The following KIAA1671 variants were observed in gnomAD, a reference collection of about 807,000 sequenced individuals.
The protein encoded by KIAA1671 is KIAA1671, also known as uncharacterized protein KIAA1671.
A neutral mutation model predicts 131.2 loss-of-function variants in KIAA1671; 52 were observed. The ratio of observed to expected loss-of-function variants is 0.40; its 90% CI spans 0.32 to 0.50. The LOEUF (loss-of-function observed/expected upper bound fraction) is 0.50. Ranked by LOEUF, KIAA1671 falls within the 20% of genes least tolerant of loss-of-function variation. The probability of loss-of-function intolerance (pLI) is 0.73; values close to 1 mark genes in which losing one functional copy is unlikely to be tolerated. For synonymous variants in KIAA1671, 1,003 were observed against 961.6 expected, an observed-to-expected ratio of 1.04 and a Z score of -0.80; for missense variants, 2,360 against 2,364.2, an observed-to-expected ratio of 1.00 and a Z score of 0.04.
In KIAA1671 at chr22:25,028,954, C is replaced by T. The variant is rs1241198387; in HGVS notation, c.955C>T (p.Pro319Ser). ...TAGDMAGLER[P>S]RAASKLDRDC... ...AGGGGATATGGCTGGGCTAGAGAGGCCCAGAGCAGCGTCCAAGCTGGACAG... is the reference window on the plus strand; with the variant it reads ...AGGGGATATGGCTGGGCTAGAGAGGTCCAGAGCAGCGTCCAAGCTGGACAG... Residue 319 changes from proline to serine, a missense_variant, in exon 3 of 13, where the codon CCC becomes TCC. Physicochemically the swap from Pro to Ser is moderately conservative, Grantham distance 74. Coordinates refer to ENST00000358431, the MANE Select transcript of KIAA1671 (RefSeq NM_001145206.2). 18 of 1,548,186 alleles carry T rather than the reference C, an allele frequency of 1.2e-5. No homozygotes were observed. Among genetic ancestry groups the T allele is most frequent in the African/African-American group, 2.7e-5 (2 of 72,992 alleles).
rs1872826535 is a variant in KIAA1671, at chr22:25,174,261, T to G, written c.4671T>G (p.Asp1557Glu). ...GCAGCTTGGCCACTGAGTCCCCAGA[T>G]AGCAGTGCCACATCGACAAGGAAAC... ...SGESLATESP[D>E]SSATSTRKQP... Residue 1557 changes from aspartate to glutamate, a missense_variant, in exon 8 of 13, where the codon GAT becomes GAG. Around this residue, in one of 3 missense-constraint regions of KIAA1671, gnomAD observed 1,161 missense variants for 1,204.7 expected, o/e 0.96. Transcript: ENST00000358431. 1.3e-6 allele frequency: 2 copies of G among 1,551,596 alleles called. No homozygotes were observed. Among genetic ancestry groups the G allele is most frequent in the Non-Finnish European group, 1.7e-6 (2 of 1,147,006 alleles).
At chr22:25,002,280 T>G (rs1002497969) in intron 1 of KIAA1671, among the ~76,000 whole-genome samples, 16 of 152,102 alleles carry the variant, frequency 1.1e-4, no homozygotes, top group African/African-American at 3.4e-4. Context: ...CAGGTTAGGC[T>G]CCCCCAGAAG....
chr22:25,093,760 C>CTCTG (rs2145882898), intron 6 of KIAA1671, among the ~76,000 whole-genome samples: 1 of 112,564 alleles, frequency 8.9e-6, no homozygotes, highest in East Asian at 2.5e-4. Flanking sequence ...CTCTCTCTCT[C>CTCTG]TCTCTCTGTC....
intron 1 of KIAA1671, among the ~76,000 whole-genome samples, chr22:24,969,449 G>T (rs1030378851): frequency 6.6e-6 from 1 of 151,422 alleles, no homozygotes; most frequent in African/African-American, 2.4e-5. Flanking sequence ...ATGGAATAAT[G>T]ACAAAAAAAA....
chr22:24,983,560 A>T (rs1923340489), intron 1 of KIAA1671, among the ~76,000 whole-genome samples: 1 of 148,696 alleles, frequency 6.7e-6, no homozygotes, highest in Non-Finnish European at 1.5e-5. Context: ...CTCCCATTAC[A>T]CTGAAGAAGG....
chr22:25,040,885 A>G lies in KIAA1671; in HGVS notation c.3755A>G (p.Glu1252Gly), dbSNP rs577924119. ...GVEQRRRSLK[E>G]MPDTGGLWKP... ...GAGCAGAGAAGGAGGAGCCTGAAGG[A>G]GATGCCCGATACCGGGGGTCTCTGG... Residue 1252 changes from glutamate (E) to glycine (G), a missense_variant, in exon 5 of 13, where the codon GAG (glutamate) becomes GGG (glycine). Coordinates refer to ENST00000358431, the MANE Select transcript of KIAA1671 (RefSeq NM_001145206.2). 44 of 1,530,130 alleles carry G rather than the reference A, an allele frequency of 2.9e-5. 1 individual carries two copies. The East Asian group carries it at 7.6e-4, about 27-fold the overall frequency. 94.8% of individuals were successfully genotyped at this position (1,530,130 alleles called of 1,614,324 possible). A position where few individuals can be genotyped will look rare whatever the true frequency, so the allele number is the denominator to read the frequency against.
At chr22:25,062,834 A>ACCCGCCACCCGCCC (rs1928241373) in intron 6 of KIAA1671, 1 of 10,260 alleles carries the variant, frequency 9.7e-5, no homozygotes, top group Non-Finnish European at 2.1e-4. Flanking sequence ...GCCCCCCGCC[A>ACCCGCCACCCGCCC]CCCGCCACTC....
intron 1 of KIAA1671, among the ~76,000 whole-genome samples, chr22:25,005,069 G>T (rs1474020276): frequency 6.6e-6 from 1 of 151,864 alleles, no homozygotes; most frequent in Non-Finnish European, 1.5e-5. Flanking sequence ...GGAAAGGTTG[G>T]CTGGGTGCAG....
rs1457599417 is a variant in KIAA1671, at chr22:25,145,394, G to C, written c.4531-25426G>C. ...GGACCTGCCTGTGGGCCATGAGGAT[G>C]ATGGTGGTTTCCCCAAGGCCACACA... On this transcript the variant is annotated intron_variant, in intron 6 of 12. Transcript: ENST00000358431. Among the ~76,000 whole-genome samples, 3 of 152,338 alleles carry C rather than the reference G, an allele frequency of 2.0e-5. No homozygotes were observed. In the East Asian group the frequency reaches 5.8e-4, roughly 29 times the overall value.
intron 1 of KIAA1671, among the ~76,000 whole-genome samples, chr22:24,993,027 C>T (rs1198604656): frequency 1.3e-5 from 2 of 151,770 alleles, no homozygotes; most frequent in East Asian, 1.9e-4. Flanking sequence ...AAAGCTGTCT[C>T]CTGACTCAGA....
At chr22:24,988,047 G>A (rs536484578) in intron 1 of KIAA1671, among the ~76,000 whole-genome samples, 4 of 151,778 alleles carry the variant, frequency 2.6e-5, no homozygotes, top group African/African-American at 7.3e-5. Context: ...AGGCCGAGGC[G>A]GGTGGATCAC....
At chr22:25,120,369 C>A (rs921377940) in intron 6 of KIAA1671, among the ~76,000 whole-genome samples, 1 of 152,236 alleles carries the variant, frequency 6.6e-6, no homozygotes, top group African/African-American at 2.4e-5. Flanking sequence ...CACCCAATTT[C>A]AGGTCTCCTT....
intron 1 of KIAA1671, among the ~76,000 whole-genome samples, chr22:24,998,270 C>T (rs887212177): frequency 1.3e-5 from 2 of 152,112 alleles, no homozygotes; most frequent in Admixed American, 6.6e-5. Context: ...AAAAATTAGA[C>T]GGGCATGGCA....
At chr22:25,188,282 CAGAG>C (rs1299637730) in intron 11 of KIAA1671, among the ~76,000 whole-genome samples, 8 of 149,640 alleles carry the variant, frequency 5.3e-5, no homozygotes, top group Non-Finnish European at 8.9e-5. Flanking sequence ...GCCTGGGCGA[CAGAG>C]AGAGACTCCG....
intron 1 of KIAA1671, among the ~76,000 whole-genome samples, chr22:24,960,685 C>T (rs1248780344): frequency 2.3e-5 from 3 of 130,018 alleles, no homozygotes; most frequent in Non-Finnish European, 4.7e-5. Context: ...TTGCTATGAC[C>T]GAGTGCCGCA....
chr22:24,969,457 A>G (rs539714819), intron 1 of KIAA1671, among the ~76,000 whole-genome samples: 3 of 152,368 alleles, frequency 2.0e-5, no homozygotes, highest in Non-Finnish European at 2.9e-5. Context: ...ATGACAAAAA[A>G]AAACCTCTGT....
chr22:25,119,008 A>T (rs923046029), intron 6 of KIAA1671, among the ~76,000 whole-genome samples: 2 of 152,042 alleles, frequency 1.3e-5, no homozygotes, highest in African/African-American at 2.4e-5. Context: ...GACCTATCTC[A>T]TTCTATACTT....
chr22:25,071,481 T>C (rs1440756049), intron 6 of KIAA1671, among the ~76,000 whole-genome samples: 1 of 151,962 alleles, frequency 6.6e-6, no homozygotes, highest in East Asian at 1.9e-4. Flanking sequence ...CATTCTTATA[T>C]AATAAATGTA....
chr22:24,960,419 G>T (rs111456237), intron 1 of KIAA1671, among the ~76,000 whole-genome samples: 7 of 151,276 alleles, frequency 4.6e-5, no homozygotes, highest in Admixed American at 2.6e-4. Context: ...GGTGGCACGC[G>T]CCTGTAATCC....
Sources: allele counts gnomAD v4.1 joint callset (sites outside exome capture counted in the v4.1 genomes callset), GRCh38; gene constraint gnomAD v4.1.1; regional missense constraint gnomAD v4.1.1; transcripts MANE v1.5; gene names NCBI Gene and HGNC (gene_info 2026-07-23, HGNC 2026-07-21).